The following EYS variants were observed in gnomAD, a reference collection of about 807,000 sequenced individuals.
The protein encoded by EYS is EGF-like photoreceptor maintenance factor, also known as protein eyes shut homolog.
EYS carries 250 observed loss-of-function variants against 282.1 expected under a neutral mutation model. The observed-to-expected ratio is 0.89, with a 90% CI of 0.80 to 0.98. The LOEUF is 0.98. Among genes scored for constraint, EYS ranks in the 50% least tolerant of loss-of-function variants. The probability of loss-of-function intolerance (pLI) is 0.00; values close to 1 mark genes in which losing one functional copy is unlikely to be tolerated. For synonymous variants in EYS, 1,355 were observed against 1,282.9 expected, an observed-to-expected ratio of 1.06 and a Z score of -1.20; for missense variants, 4,016 against 3,709.0, an observed-to-expected ratio of 1.08 and a Z score of -2.15.
intron 14 of EYS, among the ~76,000 whole-genome samples, chr6:64,974,025 T>C (rs1415626663): frequency 6.6e-6 from 1 of 151,914 alleles, no homozygotes; most frequent in East Asian, 1.9e-4. Context: ...CACAGCAGCA[T>C]GAAAAAGCAT....
intron 19 of EYS, among the ~76,000 whole-genome samples, chr6:64,846,683 T>C (rs1241618702): frequency 6.6e-6 from 1 of 152,140 alleles, no homozygotes; most frequent in Non-Finnish European, 1.5e-5. Flanking sequence ...TCAGTGAGAA[T>C]AATTTTCCCA....
chr6:65,325,294 T>C (rs1187560503), intron 11 of EYS, among the ~76,000 whole-genome samples: 4 of 152,136 alleles, frequency 2.6e-5, no homozygotes, highest in Non-Finnish European at 5.9e-5. Context: ...CTGGTGAGGA[T>C]AGAGACAGCA....
At chr6:64,137,975 A>T (rs901154794) in intron 31 of EYS, among the ~76,000 whole-genome samples, 11 of 152,176 alleles carry the variant, frequency 7.2e-5, no homozygotes, top group Admixed American at 2.0e-4. Context: ...GCATGCCTGT[A>T]TTGGATGAAA....
chr6:65,576,779 CAA>C (rs1326961972), intron 2 of EYS, among the ~76,000 whole-genome samples: 1 of 151,620 alleles, frequency 6.6e-6, no homozygotes, highest in Non-Finnish European at 1.5e-5. Context: ...CATGCACTAA[CAA>C]CAAACTATTT....
intron 31 of EYS, among the ~76,000 whole-genome samples, chr6:64,182,259 C>G (rs1404050738): frequency 6.6e-6 from 1 of 152,006 alleles, no homozygotes; most frequent in Non-Finnish European, 1.5e-5. Flanking sequence ...ACACTATTTC[C>G]CCAACTCATT....
At chr6:64,122,205 G>T (rs548667360) in intron 31 of EYS, among the ~76,000 whole-genome samples, 1 of 152,180 alleles carries the variant, frequency 6.6e-6, no homozygotes, top group South Asian at 2.1e-4. Flanking sequence ...AAATAAAAAT[G>T]AATTGTAGAA....
At chr6:65,163,898 A>G (rs1467242392) in intron 12 of EYS, among the ~76,000 whole-genome samples, 1 of 151,232 alleles carries the variant, frequency 6.6e-6, no homozygotes, top group African/African-American at 2.4e-5. Flanking sequence ...TAGATACCAG[A>G]TGGCTCCAAA....
At chr6:65,480,873 G>A (rs951652435) in intron 5 of EYS, among the ~76,000 whole-genome samples, 1 of 152,104 alleles carries the variant, frequency 6.6e-6, no homozygotes, top group East Asian at 1.9e-4. Context: ...GATAAATACT[G>A]CATGTTCTCA....
At position 64,591,765 on chromosome 6, in the gene EYS, C is replaced by A. The variant is rs1314888456; in HGVS notation, c.4102G>T (p.Val1368Leu). ...GAAGTTCGAATAGGCATATGTGATA[C>A]CGATGTTTTGTCCTGGACAATTTGT... ...PAQIVQDKTS[V>L]SHMPIRTSAA... is the part of the protein sequence containing the mutation. The change falls in exon 26 of 43, where the codon GTA (valine) becomes TTA (leucine). Residue 1368 changes from valine to leucine, a missense_variant. Val to Leu is a conservative substitution (Grantham distance 32). Coordinates refer to ENST00000503581, the MANE Select transcript of EYS (RefSeq NM_001142800.2). The A allele has an allele frequency of 1.3e-6, 2 of 1,551,142 alleles. No individual in the cohort carries two copies. Among genetic ancestry groups the A allele is most frequent in the Non-Finnish European group, 1.7e-6 (2 of 1,146,720 alleles).
Position 65,400,850 on chromosome 6 carries a change from A to G in EYS, c.1184+1628T>C, listed in dbSNP as rs182010339. Among the ~76,000 whole-genome samples the G allele has an allele frequency of 1.1e-4, 16 of 152,002 alleles. No individual in the cohort carries two copies. In the East Asian group the frequency reaches 3.1e-3, roughly 29 times the overall value. On this transcript the variant is annotated intron_variant, in intron 7 of 42. Coordinates refer to ENST00000503581, the MANE Select transcript of EYS (RefSeq NM_001142800.2). ...TTTTTTCTCCCAAATTCAGAAGAGT[A>G]AAACTTCAGTAGAAGAGTAGTTAAA... is the stretch of plus-strand genomic sequence containing the variant.
At chr6:64,929,146 CT>C (rs1379190069) in intron 15 of EYS, among the ~76,000 whole-genome samples, 2 of 152,038 alleles carry the variant, frequency 1.3e-5, no homozygotes, top group African/African-American at 4.8e-5. Flanking sequence ...AATAGGACCA[CT>C]GTCTTTTAAA....
At chr6:64,859,149 CA>C (rs1321661471) in intron 19 of EYS, among the ~76,000 whole-genome samples, 1 of 150,694 alleles carries the variant, frequency 6.6e-6, no homozygotes, top group Non-Finnish European at 1.5e-5. Context: ...GATATACTTT[CA>C]ACACAAAAAA....
At chr6:64,566,014 G>A (rs1032464194) in intron 26 of EYS, among the ~76,000 whole-genome samples, 8 of 149,542 alleles carry the variant, frequency 5.3e-5, no homozygotes, top group Middle Eastern at 3.6e-3. Flanking sequence ...ATATATAACT[G>A]TGTGTGTGCA....
At chr6:64,622,853 C>A (rs1161302431) in intron 23 of EYS, among the ~76,000 whole-genome samples, 1 of 152,002 alleles carries the variant, frequency 6.6e-6, no homozygotes, top group Non-Finnish European at 1.5e-5. Context: ...TTATTTGAGG[C>A]TTTTTAAAAA....
chr6:64,591,966 T>G lies in EYS; in HGVS notation c.3901A>C (p.Lys1301Gln), dbSNP rs1185502930. Residue 1301 changes from lysine to glutamine, a missense_variant, in exon 26 of 43, where the codon AAG (lysine) becomes CAG (glutamine). Transcript: ENST00000503581. ...DQGPKQTGIV[K>Q]HDILPTTGLA... ...CCAGTGGTTGGGAGAATGTCGTGCT[T>G]GACAATGCCTGTCTGTTTTGGACCT... The G allele has an allele frequency of 3.3e-6, 5 of 1,498,954 alleles. No individual in the cohort carries two copies. The African/African-American group carries it at 5.6e-5, about 17-fold the overall frequency. The allele number at this position is 1,498,954 out of a possible 1,614,324, so 92.9% of individuals were successfully genotyped here.
chr6:65,436,590 C>T (rs1173626626), intron 5 of EYS, among the ~76,000 whole-genome samples: 1 of 152,138 alleles, frequency 6.6e-6, no homozygotes, highest in Non-Finnish European at 1.5e-5. Flanking sequence ...CCATTTGTGA[C>T]ACAGCAGTAT....
At chr6:65,165,216 G>A (rs1314087693) in intron 12 of EYS, among the ~76,000 whole-genome samples, 1 of 149,846 alleles carries the variant, frequency 6.7e-6, no homozygotes, top group African/African-American at 2.4e-5. Flanking sequence ...TTTTGTAAAT[G>A]TTTATCTATA....
At chr6:64,231,586 T>TA (rs1439159718) in intron 30 of EYS, among the ~76,000 whole-genome samples, 3 of 152,180 alleles carry the variant, frequency 2.0e-5, no homozygotes, top group African/African-American at 4.8e-5. Context: ...AATTCCTGTC[T>TA]AAATTTCACC....
intron 35 of EYS, among the ~76,000 whole-genome samples, chr6:63,953,285 T>C (rs1765677440): frequency 6.6e-6 from 1 of 152,212 alleles, no homozygotes. Context: ...AAGCCCTTTC[T>C]CATGATTTAC....
Sources: allele counts gnomAD v4.1 joint callset (sites outside exome capture counted in the v4.1 genomes callset), GRCh38; gene constraint gnomAD v4.1.1; transcripts MANE v1.5; gene names NCBI Gene and HGNC (gene_info 2026-07-23, HGNC 2026-07-21).